Variants in ITM2C observed in about 807,000 individuals in gnomAD.
ITM2C encodes the protein BRICHOS domain containing 2C.
Under a neutral mutation model 30.0 loss-of-function variants are expected in ITM2C, and 20 were observed. The ratio of observed to expected loss-of-function variants is 0.67; its 90% CI spans 0.47 to 0.97. The LOEUF is 0.97. ITM2C is among the 50% of genes least tolerant of loss of function. The pLI is 0.00. For synonymous variants in ITM2C, 167 were observed against 156.4 expected (o/e 1.07, Z -0.51); for missense variants, 366 against 371.9 (o/e 0.98, Z 0.13).
Position 230,865,312 on chromosome 2 carries a change from G to T in ITM2C, c.120+167G>T. The T allele has an allele frequency of 2.9e-6, 2 of 684,466 alleles. No individual in the cohort carries two copies. The highest frequency in any genetic ancestry group is 4.1e-6 in the Non-Finnish European group (2 of 482,932). 42.4% of individuals were successfully genotyped at this position (684,466 alleles called of 1,614,324 possible). ...TTGCTTATCCCAGAATGAGGAGGGGGCTTAAGTCCCGTACTAAAGCGGCAG... is the reference window on the plus strand; with the variant it reads ...TTGCTTATCCCAGAATGAGGAGGGGTCTTAAGTCCCGTACTAAAGCGGCAG... On this transcript the variant is annotated intron_variant, in intron 1 of 5. Transcript: ENST00000326427. The surrounding 1 kb of genome is among the most constrained non-coding windows in gnomAD (Gnocchi z 6.8).
chr2:230,875,559 T>C (rs1574597415), intron 2 of ITM2C, 61 bp from the exon 3 acceptor site: 2 of 1,462,472 alleles, frequency 1.4e-6, no homozygotes, highest in East Asian at 4.6e-5. Flanking sequence ...AGAGGGGGCC[T>C]TACGGAGTGC....
chr2:230,871,543 C>T (rs898266593), intron 1 of ITM2C, among the ~76,000 whole-genome samples: 7 of 152,214 alleles, frequency 4.6e-5, no homozygotes, highest in Non-Finnish European at 8.8e-5. Flanking sequence ...GGTTAGTGCC[C>T]CTGGCTGCTG....
rs376965603 is a variant in ITM2C at position 230,876,971 on chromosome 2, C to T, written c.561+4C>T. ...GGAGCTCCTCATGAACGTGAAGGTGCGCAGGGGGTTGGGGGGATGTCTGCA... is the reference window on the plus strand; with the variant it reads ...GGAGCTCCTCATGAACGTGAAGGTGTGCAGGGGGTTGGGGGGATGTCTGCA... On this transcript the variant is annotated splice_donor_region_variant and intron_variant, in intron 4 of 5. Coordinates refer to ENST00000326427, the MANE Select transcript of ITM2C (RefSeq NM_030926.6). The T allele has an allele frequency of 1.5e-4, 244 of 1,592,230 alleles. No homozygotes were observed. Among genetic ancestry groups the T allele is most frequent in the Non-Finnish European group, 1.9e-4 (217 of 1,160,410 alleles).
Position 230,877,967 on chromosome 2 carries a change from C to T in ITM2C, c.713-41C>T. On this transcript the variant is annotated intron_variant, in intron 5 of 5. Transcript: ENST00000326427. This position sits in a 1 kb window ranked among gnomAD's most constrained non-coding sequence, Gnocchi z 4.8. ...AGGCTGGTGGTCTTTGTGACTCAGC[C>T]AGGATGCAGGGCTCACTGGGGTTTT... The T allele has an allele frequency of 6.5e-7, 1 of 1,535,726 alleles. No individual in the cohort carries two copies. The highest frequency in any genetic ancestry group is 9.0e-7 in the Non-Finnish European group (1 of 1,109,718).
intron 1 of ITM2C, among the ~76,000 whole-genome samples, chr2:230,867,343 G>A (rs1035621912): frequency 2.0e-5 from 3 of 152,152 alleles, no homozygotes; most frequent in East Asian, 1.9e-4. Flanking sequence ...TCACTTCTGC[G>A]GGCCTCCTGT....
chr2:230,867,649 A>C (rs1217532404), intron 1 of ITM2C, among the ~76,000 whole-genome samples: 1 of 137,946 alleles, frequency 7.2e-6, no homozygotes, highest in East Asian at 2.1e-4. Context: ...ATTTTATTTT[A>C]TCTATTTTAT....
intron 2 of ITM2C, among the ~76,000 whole-genome samples, chr2:230,875,003 G>A (rs994103138): frequency 6.6e-6 from 1 of 152,090 alleles, no homozygotes; most frequent in Non-Finnish European, 1.5e-5. Context: ...CCGTGATAGG[G>A]GCACAAGACT....
chr2:230,875,772 C>T lies in ITM2C; in HGVS notation c.414C>T (p.Gly138=), dbSNP rs758396117. ...RINVPVPQFG[G]GDPADIIHDF... ...ACGTGCCTGTGCCCCAGTTTGGCGG[C>T]GGTGACCCTGCAGACATCATCCATG... is the stretch of plus-strand genomic sequence containing the variant. Residue 138 remains glycine (G), a synonymous_variant, in exon 3 of 6, where the codon GGC becomes GGT. Coordinates refer to ENST00000326427, the MANE Select transcript of ITM2C (RefSeq NM_030926.6). 6.9e-6 allele frequency: 11 copies of T among 1,601,798 alleles called. No homozygotes were observed. The highest frequency in any genetic ancestry group is 9.3e-6 in the Non-Finnish European group (11 of 1,177,168).
chr2:230,867,831 G>C (rs1379591181), intron 1 of ITM2C, among the ~76,000 whole-genome samples: 2 of 151,868 alleles, frequency 1.3e-5, no homozygotes, highest in African/African-American at 2.4e-5. Flanking sequence ...GCTAATTTTT[G>C]TATTTTTAGT....
rs1326824735 is a variant in ITM2C at position 230,871,867 on chromosome 2, GC to G, written c.121-1546del. Among the ~76,000 whole-genome samples, 3 of 152,212 alleles carry G rather than the reference GC, an allele frequency of 2.0e-5. No individual in the cohort carries two copies. The South Asian group carries it at 6.2e-4, about 31-fold the overall frequency. On this transcript the variant is annotated intron_variant, in intron 1 of 5. Coordinates refer to ENST00000326427, the MANE Select transcript of ITM2C (RefSeq NM_030926.6). Reference sequence around the variant, plus strand: ...AGACCCTCAGCTCCCCAGGGCCCAGGCCCCACACTCCCCTGTGCTCTAAAAG... The same window carrying G: ...AGACCCTCAGCTCCCCAGGGCCCAGGCCCACACTCCCCTGTGCTCTAAAAG...
rs1418847372 is a variant in ITM2C at position 230,873,577 on chromosome 2, A to AG, written c.261+24dup. The AG allele has an allele frequency of 1.9e-6, 3 of 1,591,648 alleles. No homozygotes were observed. The South Asian group carries it at 3.4e-5, about 18-fold the overall frequency. ...GCGCAGGTGAGGGGCCGGGCCAGGT[A>AG]GGGGCAAGGCCTCGAGAAAGGGTCA... On this transcript the variant is annotated intron_variant, in intron 2 of 5. Transcript: ENST00000326427.
At position 230,865,019 on chromosome 2, in the gene ITM2C, C is replaced by T; in HGVS notation, c.-7C>T. 1.3e-6 allele frequency: 2 copies of T among 1,492,130 alleles called. No individual in the cohort carries two copies. The highest frequency in any genetic ancestry group is 1.8e-6 in the Non-Finnish European group (2 of 1,112,776). The allele number at this position is 1,492,130 out of a possible 1,614,324, so 92.4% of individuals were successfully genotyped here. A position where few individuals can be genotyped will look rare whatever the true frequency, so the allele number is the denominator to read the frequency against. ...GCTGCGGGGCGGACGCGCGGGCCGG[C>T]GCAGCCATGGTGAAGATTAGCTTCC... On this transcript the variant is annotated 5_prime_UTR_variant, in exon 1 of 6. Coordinates refer to ENST00000326427, the MANE Select transcript of ITM2C (RefSeq NM_030926.6). The surrounding 1 kb of genome is among the most constrained non-coding windows in gnomAD (Gnocchi z 6.8).
Position 230,878,771 on chromosome 2 carries a change from G to A in ITM2C, c.*672G>A, listed in dbSNP as rs980674501. 1 of 153,820 alleles carries A rather than the reference G, an allele frequency of 6.5e-6. No homozygotes were observed. Among genetic ancestry groups the A allele is most frequent in the African/African-American group, 2.4e-5 (1 of 41,444 alleles). 9.5% of individuals were successfully genotyped at this position (153,820 alleles called of 1,614,324 possible). On this transcript the variant is annotated 3_prime_UTR_variant, in exon 6 of 6. Coordinates refer to ENST00000326427, the MANE Select transcript of ITM2C (RefSeq NM_030926.6). This position sits in a 1 kb window ranked among gnomAD's most constrained non-coding sequence, Gnocchi z 4.5. Reference sequence around the variant, plus strand: ...TGGAACCAAAGAAGCAAGGAGCTAGGACCCCCAGTCCTGCCCCCCAGGAGC... The same window carrying A: ...TGGAACCAAAGAAGCAAGGAGCTAGAACCCCCAGTCCTGCCCCCCAGGAGC...
chr2:230,864,432 T>G (rs2125010387), upstream of ITM2C, among the ~76,000 whole-genome samples: 1 of 152,200 alleles, frequency 6.6e-6, no homozygotes, highest in African/African-American at 2.4e-5. This position sits in a 1 kb window ranked among gnomAD's most constrained non-coding sequence, Gnocchi z 4.3. Context: ...AGGCAGCAGT[T>G]TGGCGCCTGT....
intron 1 of ITM2C, among the ~76,000 whole-genome samples, chr2:230,872,705 T>C (rs1261038295): frequency 6.6e-6 from 1 of 152,056 alleles, no homozygotes; most frequent in East Asian, 1.9e-4. Flanking sequence ...TGCCGGTCGG[T>C]GCCTGTGGGG....
intron 2 of ITM2C, among the ~76,000 whole-genome samples, chr2:230,874,777 GC>G (rs1697249599): frequency 6.6e-6 from 1 of 152,164 alleles, no homozygotes; most frequent in African/African-American, 2.4e-5. Flanking sequence ...GTATCTACAG[GC>G]CCCTCCAGGA....
At chr2:230,874,681 C>T (rs1697246534) in intron 2 of ITM2C, among the ~76,000 whole-genome samples, 1 of 152,172 alleles carries the variant, frequency 6.6e-6, no homozygotes, top group Non-Finnish European at 1.5e-5. Flanking sequence ...CCCCATGCTG[C>T]GATGACGCAT....
Position 230,877,396 on chromosome 2 carries a change from G to A in ITM2C, c.562-4G>A, listed in dbSNP as rs1697331296. ...CTCACTGTGGCGGCCACCTTGTTTT[G>A]CAGAGGGGGACCTACCTGCCGCAGA... On this transcript the variant is annotated splice_polypyrimidine_tract_variant and splice_region_variant and intron_variant, in intron 4 of 5. Coordinates refer to ENST00000326427, the MANE Select transcript of ITM2C (RefSeq NM_030926.6). This position sits in a 1 kb window ranked among gnomAD's most constrained non-coding sequence, Gnocchi z 4.8. The A allele has an allele frequency of 6.2e-7, 1 of 1,613,036 alleles. No individual in the cohort carries two copies.
chr2:230,878,129 G>A lies in ITM2C; in HGVS notation c.*30G>A. 6.7e-7 allele frequency: 1 copy of A among 1,493,472 alleles called. No individual in the cohort carries two copies. Among genetic ancestry groups the A allele is most frequent in the African/African-American group, 1.4e-5 (1 of 71,186 alleles). The allele number at this position is 1,493,472 out of a possible 1,614,324, so 92.5% of individuals were successfully genotyped here. A position where few individuals can be genotyped will look rare whatever the true frequency, so the allele number is the denominator to read the frequency against. On this transcript the variant is annotated 3_prime_UTR_variant, in exon 6 of 6. Transcript: ENST00000326427. The surrounding 1 kb of genome is among the most constrained non-coding windows in gnomAD (Gnocchi z 4.5). ...CTCCTCCCCCAGAACCCCCTGCCGTGTTCCTCTTTTCTTCTTTCCGGCTGC... is the reference window on the plus strand; with the variant it reads ...CTCCTCCCCCAGAACCCCCTGCCGTATTCCTCTTTTCTTCTTTCCGGCTGC...
Sources: allele counts gnomAD v4.1 joint callset (sites outside exome capture counted in the v4.1 genomes callset), GRCh38; gene constraint gnomAD v4.1.1; non-coding constraint Gnocchi (gnomAD v3.1); transcripts MANE v1.5; gene names NCBI Gene and HGNC (gene_info 2026-07-23, HGNC 2026-07-21).